SCLT1: variants seen among roughly 807,000 people sequenced by gnomAD.
SCLT1 encodes sodium channel and clathrin linker 1.
In SCLT1, 78 loss-of-function variants were observed where a neutral mutation model predicts 112.8. The ratio of observed to expected loss-of-function variants is 0.69; its 90% CI spans 0.58 to 0.83. SCLT1 has a LOEUF of 0.83. Among genes scored for constraint, SCLT1 ranks in the 40% least tolerant of loss-of-function variants. The pLI is 0.00. For synonymous variants in SCLT1, 257 were observed against 254.7 expected, an observed-to-expected ratio of 1.01 and a Z score of -0.09; for missense variants, 747 against 770.4, an observed-to-expected ratio of 0.97 and a Z score of 0.36.
intron 8 of SCLT1, among the ~76,000 whole-genome samples, chr4:128,993,083 C>T (rs1742712380): frequency 6.6e-6 from 1 of 151,970 alleles, no homozygotes; most frequent in Non-Finnish European, 1.5e-5. Flanking sequence ...ATGCTCTGAG[C>T]TCACTGACTT....
chr4:128,916,297 T>G (rs915006768), intron 18 of SCLT1, among the ~76,000 whole-genome samples: 14 of 152,352 alleles, frequency 9.2e-5, no homozygotes, highest in Admixed American at 4.6e-4. Context: ...CTTCTATTAT[T>G]GCAGTTAATA....
intron 18 of SCLT1, among the ~76,000 whole-genome samples, chr4:128,925,288 A>G (rs908195542): frequency 1.3e-5 from 2 of 152,160 alleles, no homozygotes; most frequent in African/African-American, 4.8e-5. Flanking sequence ...TTTGTTATGC[A>G]GTAGTAGATA....
chr4:128,996,586 G>A (rs1285465789), intron 8 of SCLT1, among the ~76,000 whole-genome samples: 2 of 151,892 alleles, frequency 1.3e-5, no homozygotes, highest in African/African-American at 4.8e-5. Flanking sequence ...ATACTTATCA[G>A]TCTTGTTTGC....
chr4:128,940,281 T>C (rs1359928504), intron 17 of SCLT1, among the ~76,000 whole-genome samples: 2 of 151,960 alleles, frequency 1.3e-5, no homozygotes, highest in East Asian at 1.9e-4. Context: ...GGAAAATTCA[T>C]TGATTCCATC....
intron 13 of SCLT1, among the ~76,000 whole-genome samples, chr4:128,956,309 T>A (rs1039093920): frequency 6.6e-6 from 1 of 152,048 alleles, no homozygotes; most frequent in African/African-American, 2.4e-5. Flanking sequence ...ATAAAGTTTA[T>A]TAATATTTAT....
chr4:129,040,143 A>T, intron 4 of SCLT1: 1 of 702,360 alleles, frequency 1.4e-6, no homozygotes, highest in Admixed American at 2.0e-5. Flanking sequence ...TTGGTCTAGG[A>T]GATCAGAATA....
At chr4:128,913,636 C>T (rs1735258863) in intron 18 of SCLT1, among the ~76,000 whole-genome samples, 1 of 152,078 alleles carries the variant, frequency 6.6e-6, no homozygotes, top group Non-Finnish European at 1.5e-5. Context: ...TATATTTAAA[C>T]AGGGCTGTGG....
intron 5 of SCLT1, among the ~76,000 whole-genome samples, chr4:129,027,718 G>T (rs1018034354): frequency 6.6e-6 from 1 of 152,122 alleles, no homozygotes; most frequent in Non-Finnish European, 1.5e-5. Flanking sequence ...ATTCAATTAG[G>T]AAAAGAGGCA....
At chr4:129,081,748 T>A (rs1024954454) in intron 2 of SCLT1, among the ~76,000 whole-genome samples, 28 of 152,160 alleles carry the variant, frequency 1.8e-4, no homozygotes, top group Admixed American at 5.9e-4. Flanking sequence ...CCAGATTAAG[T>A]TCTAATTATA....
intron 18 of SCLT1, among the ~76,000 whole-genome samples, chr4:128,908,055 T>G (rs1734814407): frequency 6.6e-6 from 1 of 152,180 alleles, no homozygotes; most frequent in Non-Finnish European, 1.5e-5. Flanking sequence ...CCATGTAGAT[T>G]TTGGCTGATA....
intron 9 of SCLT1, among the ~76,000 whole-genome samples, chr4:128,977,803 C>T (rs978580368): frequency 6.6e-6 from 1 of 152,106 alleles, no homozygotes; most frequent in Non-Finnish European, 1.5e-5. Context: ...TCTGGATATA[C>T]TAGGAATTTT....
intron 2 of SCLT1, among the ~76,000 whole-genome samples, chr4:129,076,183 C>A (rs1182817156): frequency 6.6e-6 from 1 of 152,150 alleles, no homozygotes; most frequent in Non-Finnish European, 1.5e-5. Context: ...ATATCTTCTA[C>A]AGAACAGGGA....
intron 5 of SCLT1, among the ~76,000 whole-genome samples, chr4:129,015,496 C>A (rs906067081): frequency 1.3e-5 from 2 of 152,100 alleles, no homozygotes; most frequent in Admixed American, 1.3e-4. Flanking sequence ...GTCCACCCTG[C>A]AGAGTTCAGG....
intron 5 of SCLT1, among the ~76,000 whole-genome samples, chr4:129,024,876 C>A (rs1207373163): frequency 6.6e-6 from 1 of 152,088 alleles, no homozygotes; most frequent in Non-Finnish European, 1.5e-5. Context: ...AGCTGAAAAC[C>A]AAGGCTCGAG....
Position 129,044,055 on chromosome 4 carries a change from TA to T in SCLT1, c.103-5del. 1 of 1,522,768 alleles carries T rather than the reference TA, an allele frequency of 6.6e-7. No homozygotes were observed. The allele number at this position is 1,522,768 out of a possible 1,614,324, so 94.3% of individuals were successfully genotyped here. On this transcript the variant is annotated splice_region_variant and splice_polypyrimidine_tract_variant and intron_variant, in intron 2 of 20. Transcript: ENST00000281142. ...CTTCTCCTTGGCAGACAGCTTTCTA[TA>T]AAAGAATGTACATCTTAAAATGTGT...
chr4:129,069,645 A>T (rs1325862291), intron 2 of SCLT1, among the ~76,000 whole-genome samples: 1 of 152,156 alleles, frequency 6.6e-6, no homozygotes, highest in Non-Finnish European at 1.5e-5. Flanking sequence ...CAGTTCTAGA[A>T]GCTTTCTGGA....
chr4:128,992,337 A>T, intron 8 of SCLT1, 100 bp from the exon 9 acceptor site: 1 of 706,134 alleles, frequency 1.4e-6, no homozygotes, highest in Middle Eastern at 4.1e-4. Flanking sequence ...GTTTAGTGAG[A>T]TTTATGATAA....
chr4:129,084,030 G>A (rs1752185035), intron 1 of SCLT1, among the ~76,000 whole-genome samples: 1 of 152,150 alleles, frequency 6.6e-6, no homozygotes, highest in Non-Finnish European at 1.5e-5. Context: ...AGTAAGACTA[G>A]AAGGGAACAC....
intron 18 of SCLT1, among the ~76,000 whole-genome samples, chr4:128,924,856 G>A (rs1736168268): frequency 6.6e-6 from 1 of 152,142 alleles, no homozygotes; most frequent in South Asian, 2.1e-4. Flanking sequence ...TTAATTGATA[G>A]AATATGGTTA....
Sources: allele counts gnomAD v4.1 joint callset (sites outside exome capture counted in the v4.1 genomes callset), GRCh38; gene constraint gnomAD v4.1.1; transcripts MANE v1.5; gene names NCBI Gene and HGNC (gene_info 2026-07-23, HGNC 2026-07-21).